Variants in CHN2 observed in about 807,000 individuals in gnomAD.
CHN2 encodes beta-chimaerin.
Under a neutral mutation model 56.3 loss-of-function variants are expected in CHN2, and 35 were observed. The observed-to-expected ratio is 0.62, with a 90% CI of 0.47 to 0.82. The LOEUF is 0.82. CHN2 is among the 40% of genes least tolerant of loss of function. The pLI is 0.00. For synonymous variants in CHN2, 210 were observed against 212.8 expected (o/e 0.99, Z 0.12); for missense variants, 491 against 580.5 (o/e 0.85, Z 1.58).
chr7:29,159,050 AG>A (rs1794818058), intron 2 of CHN2, among the ~76,000 whole-genome samples: 1 of 152,220 alleles, frequency 6.6e-6, no homozygotes, highest in Admixed American at 6.5e-5. Context: ...ATTAAAACCT[AG>A]CCACCCATTT....
chr7:29,357,017 C>T (rs1318748458), intron 2 of CHN2, among the ~76,000 whole-genome samples: 2 of 152,182 alleles, frequency 1.3e-5, no homozygotes, highest in Non-Finnish European at 2.9e-5. Flanking sequence ...GGCATTGGCT[C>T]AAATTCATTT....
intron 1 of CHN2, among the ~76,000 whole-genome samples, chr7:29,250,290 A>C (rs1788392067): frequency 6.6e-6 from 1 of 152,238 alleles, no homozygotes; most frequent in African/African-American, 2.4e-5. Flanking sequence ...AGCCATTACC[A>C]AAATTAGATA....
intron 3 of CHN2, among the ~76,000 whole-genome samples, chr7:29,389,342 C>T (rs1169202733): frequency 6.6e-6 from 1 of 152,236 alleles, no homozygotes; most frequent in African/African-American, 2.4e-5. Flanking sequence ...GCTGAAATAA[C>T]ATGCACTCTC....
chr7:29,222,723 A>T (rs142572636), intron 1 of CHN2, among the ~76,000 whole-genome samples: 5 of 152,330 alleles, frequency 3.3e-5, no homozygotes, highest in Non-Finnish European at 4.4e-5. Flanking sequence ...AAATCAGTTA[A>T]TTTTTGTGAA....
chr7:29,424,201 A>G (rs1804618477), intron 6 of CHN2, among the ~76,000 whole-genome samples: 1 of 152,166 alleles, frequency 6.6e-6, no homozygotes, highest in Non-Finnish European at 1.5e-5. Context: ...GACATGTTCT[A>G]CAGAAATAGT....
At chr7:29,495,897 C>A in intron 7 of CHN2, 55 bp from the exon 8 acceptor site, 1 of 1,478,776 alleles carries the variant, frequency 6.8e-7, no homozygotes, top group South Asian at 1.1e-5. Flanking sequence ...TCTGAGGCTA[C>A]CTGCCTTTAA....
intron 3 of CHN2, among the ~76,000 whole-genome samples, chr7:29,388,924 A>G (rs1274367666): frequency 1.3e-5 from 2 of 152,210 alleles, no homozygotes; most frequent in Admixed American, 6.5e-5. Context: ...TATACTTGAG[A>G]TGTAACTATA....
In CHN2 at chr7:29,396,459, CAAAAAAAAAA is replaced by C. The variant is rs35163855; in HGVS notation, c.177-1897_177-1888del. On this transcript the variant is annotated intron_variant, in intron 4 of 12. Coordinates refer to ENST00000222792, the MANE Select transcript of CHN2 (RefSeq NM_004067.4). Reference sequence around the variant, plus strand: ...TTAGGCTACAGAGTGAGACTCTCTCCAAAAAAAAAAAAAAAAAAAAAAAAAATCTAGCTGC... The same window carrying C: ...TTAGGCTACAGAGTGAGACTCTCTCCAAAAAAAAAAAAAAAATCTAGCTGC... Among the ~76,000 whole-genome samples the C allele has an allele frequency of 1.9e-3, 108 of 56,532 alleles. 1 individual carries two copies. Among genetic ancestry groups the C allele is most frequent in the African/African-American group, 7.3e-3 (100 of 13,694 alleles). The allele number at this position is 56,532 out of a possible 152,430, so 37.1% of individuals were successfully genotyped here.
At chr7:29,284,504 A>G (rs921204407) in intron 1 of CHN2, among the ~76,000 whole-genome samples, 1 of 152,208 alleles carries the variant, frequency 6.6e-6, no homozygotes, top group African/African-American at 2.4e-5. Context: ...TGAACAGCCT[A>G]TGGGAAGGGG....
intron 1 of CHN2, among the ~76,000 whole-genome samples, chr7:29,283,409 T>C (rs1317989938): frequency 6.6e-6 from 1 of 152,154 alleles, no homozygotes. Flanking sequence ...ACACGATCTG[T>C]AGAATCCTCT....
intron 1 of CHN2, among the ~76,000 whole-genome samples, chr7:29,349,278 G>A (rs918595918): frequency 7.9e-5 from 12 of 152,112 alleles, no homozygotes; most frequent in African/African-American, 2.7e-4. Flanking sequence ...AAACATATTT[G>A]TGATTTTTTG....
chr7:29,407,700 T>TGG (rs1216623489), intron 6 of CHN2, among the ~76,000 whole-genome samples: 1 of 151,942 alleles, frequency 6.6e-6, no homozygotes, highest in Non-Finnish European at 1.5e-5. Context: ...TAAAATGGGG[T>TGG]GGGATAGGAT....
intron 1 of CHN2, among the ~76,000 whole-genome samples, chr7:29,237,589 A>T (rs532454160): frequency 4.6e-5 from 7 of 152,326 alleles, no homozygotes; most frequent in African/African-American, 1.4e-4. Flanking sequence ...CCTTTGCCAG[A>T]AACTTTTCTG....
intron 9 of CHN2, among the ~76,000 whole-genome samples, chr7:29,502,148 C>T (rs966218924): frequency 2.6e-5 from 4 of 152,190 alleles, no homozygotes; most frequent in African/African-American, 9.7e-5. Flanking sequence ...ATTATGTAGC[C>T]TGTACATCTC....
intron 1 of CHN2, among the ~76,000 whole-genome samples, chr7:29,213,951 C>T (rs1785147525): frequency 6.6e-6 from 1 of 152,032 alleles, no homozygotes; most frequent in South Asian, 2.1e-4. Flanking sequence ...AATAATTGCG[C>T]TTTTTAGTCT....
Position 29,264,999 on chromosome 7 carries a change from CA to C in CHN2, c.49+70010del, listed in dbSNP as rs1345403484. ...TCAGAACTAACCATTTCTCTGAAAT[CA>C]TAGTGAAATCAGGAGTGTAGAAAGT... On this transcript the variant is annotated intron_variant, in intron 1 of 12. Coordinates refer to ENST00000222792, the MANE Select transcript of CHN2 (RefSeq NM_004067.4). 1.3e-5 allele frequency among the ~76,000 whole-genome samples: 2 copies of C among 151,998 alleles called. 1 individual carries two copies. The highest frequency in any genetic ancestry group is 3.9e-4 in the East Asian group (2 of 5,190).
intron 1 of CHN2, among the ~76,000 whole-genome samples, chr7:29,256,055 T>C (rs1480802597): frequency 2.0e-5 from 3 of 152,264 alleles, no homozygotes; most frequent in African/African-American, 4.8e-5. Flanking sequence ...GTGATTTGAC[T>C]TGTAACACAT....
chr7:29,261,232 A>G (rs1473925852), intron 1 of CHN2, among the ~76,000 whole-genome samples: 1 of 152,192 alleles, frequency 6.6e-6, no homozygotes, highest in East Asian at 1.9e-4. Context: ...AGAGGTTAGT[A>G]ACTTGCTTGA....
At chr7:29,373,214 G>A (rs1382677409) in intron 3 of CHN2, among the ~76,000 whole-genome samples, 2 of 148,546 alleles carry the variant, frequency 1.3e-5, no homozygotes, top group African/African-American at 2.5e-5. Context: ...TTGCTTTGTC[G>A]CCCCCGAGCT....
Sources: allele counts gnomAD v4.1 joint callset (sites outside exome capture counted in the v4.1 genomes callset), GRCh38; gene constraint gnomAD v4.1.1; transcripts MANE v1.5; gene names NCBI Gene and HGNC (gene_info 2026-07-23, HGNC 2026-07-21).